SUSD6: variants seen among roughly 807,000 people sequenced by gnomAD.
SUSD6 encodes the protein sushi domain-containing protein 6.
In SUSD6, 16 loss-of-function variants were observed where a neutral mutation model predicts 28.4. That is an observed-to-expected ratio of 0.56 (90% CI 0.38 to 0.86). SUSD6 has a LOEUF of 0.86. Among genes scored for constraint, SUSD6 ranks in the 40% least tolerant of loss-of-function variants. The probability of loss-of-function intolerance (pLI) is 0.00; values close to 1 mark genes in which losing one functional copy is unlikely to be tolerated. For synonymous variants in SUSD6, 147 were observed against 159.6 expected (o/e 0.92, Z 0.59); for missense variants, 341 against 384.2 (o/e 0.89, Z 0.94).
chr14:69,654,510 C>G (rs1224716855), intron 1 of SUSD6, among the ~76,000 whole-genome samples: 1 of 152,152 alleles, frequency 6.6e-6, no homozygotes, highest in African/African-American at 2.4e-5. Context: ...TGCTGAGCCC[C>G]TAAAATGACT....
At chr14:69,657,284 A>G (rs1595044714) in intron 1 of SUSD6, among the ~76,000 whole-genome samples, 1 of 152,090 alleles carries the variant, frequency 6.6e-6, no homozygotes, top group Non-Finnish European at 1.5e-5. Context: ...GTGAAACCCC[A>G]TCTCTACTAA....
intron 2 of SUSD6, among the ~76,000 whole-genome samples, chr14:69,700,999 G>A (rs1030347779): frequency 2.0e-5 from 3 of 152,112 alleles, no homozygotes; most frequent in Admixed American, 6.6e-5. Flanking sequence ...TAGAGAAAGA[G>A]TCCTTAATCC....
intron 4 of SUSD6, among the ~76,000 whole-genome samples, chr14:69,705,867 T>C (rs1886380435): frequency 6.6e-6 from 1 of 152,234 alleles, no homozygotes; most frequent in Non-Finnish European, 1.5e-5. Flanking sequence ...GGATTCCCGA[T>C]GATGGACTTT....
intron 1 of SUSD6, chr14:69,617,588 A>G (rs899784132): frequency 1.4e-4 from 21 of 152,346 alleles, no homozygotes; most frequent in African/African-American, 4.6e-4. Flanking sequence ...TAGTGCCTAA[A>G]TTCAATGCAC....
intron 2 of SUSD6, chr14:69,670,368 G>A: frequency 2.3e-6 from 1 of 440,256 alleles, no homozygotes. Flanking sequence ...ACTGAAAATA[G>A]AACAATTCCA....
chr14:69,698,586 CCTT>C (rs1886260831), intron 2 of SUSD6, among the ~76,000 whole-genome samples: 1 of 152,172 alleles, frequency 6.6e-6, no homozygotes, highest in Non-Finnish European at 1.5e-5. Context: ...TAATTTGCCT[CCTT>C]CTGAAAGGTT....
rs1223146376 is a variant in SUSD6 at position 69,712,399 on chromosome 14, G to C, written c.*1420G>C. ...TGTGTTGAATGCTAACTAGGCTGGG[G>C]TGGACGAACTCTGCCAACTGCTGTC... On this transcript the variant is annotated 3_prime_UTR_variant, in exon 6 of 6. Transcript: ENST00000342745. 1 of 152,296 alleles carries C rather than the reference G, an allele frequency of 6.6e-6. No individual in the cohort carries two copies. Among genetic ancestry groups the C allele is most frequent in the East Asian group, 1.9e-4 (1 of 5,192 alleles). The allele number at this position is 152,296 out of a possible 1,614,324, so 9.4% of individuals were successfully genotyped here.
chr14:69,672,438 G>T (rs558271122), intron 2 of SUSD6, among the ~76,000 whole-genome samples: 1 of 152,164 alleles, frequency 6.6e-6, no homozygotes, highest in Non-Finnish European at 1.5e-5. Flanking sequence ...AATGAAACTT[G>T]ATAGGAGCTG....
rs1007851216 is a variant in SUSD6, at chr14:69,705,678, A to G, written c.458+936A>G. 3.9e-5 allele frequency among the ~76,000 whole-genome samples: 6 copies of G among 152,230 alleles called. No homozygotes were observed. In the East Asian group the frequency reaches 1.2e-3, roughly 29 times the overall value. Reference sequence around the variant, plus strand: ...AACCCTGGCATTCACTTTTTATAAAAAGCTCAGTTTTTCTGTGCAACTAGG... The same window carrying G: ...AACCCTGGCATTCACTTTTTATAAAGAGCTCAGTTTTTCTGTGCAACTAGG... On this transcript the variant is annotated intron_variant, in intron 4 of 5. Coordinates refer to ENST00000342745, the MANE Select transcript of SUSD6 (RefSeq NM_014734.4).
At chr14:69,644,022 G>A (rs935913527) in intron 1 of SUSD6, among the ~76,000 whole-genome samples, 3 of 152,084 alleles carry the variant, frequency 2.0e-5, no homozygotes, top group African/African-American at 7.2e-5. Flanking sequence ...TCTTTGACAC[G>A]TTGGCTGTAT....
chr14:69,659,585 G>T (rs369653438), intron 2 of SUSD6, among the ~76,000 whole-genome samples: 2 of 152,050 alleles, frequency 1.3e-5, no homozygotes, highest in African/African-American at 2.4e-5. Context: ...TGGCACGATC[G>T]TGGCTCACTG....
intron 1 of SUSD6, among the ~76,000 whole-genome samples, chr14:69,639,508 C>T (rs925517740): frequency 6.6e-6 from 1 of 151,990 alleles, no homozygotes; most frequent in East Asian, 1.9e-4. Flanking sequence ...ATCTTAATTC[C>T]CAAGCCCCTC....
rs371617344 is a variant in SUSD6 at position 69,661,418 on chromosome 14, GCTCAGACCA to G, written c.121+2706_121+2714del. Among the ~76,000 whole-genome samples the G allele has an allele frequency of 9.5e-4, 145 of 152,212 alleles. 1 individual carries two copies. Among genetic ancestry groups the G allele is most frequent in the African/African-American group, 3.3e-3 (139 of 41,528 alleles). ...AAAAATGTGTCTGTTTATAGTGTGG[GCTCAGACCA>G]GGATGGGAAAGTTGGCTCTGTTGTT... On this transcript the variant is annotated intron_variant, in intron 2 of 5. Coordinates refer to ENST00000342745, the MANE Select transcript of SUSD6 (RefSeq NM_014734.4).
rs61615648 is a variant in SUSD6 at position 69,638,345 on chromosome 14, A to G, written c.-80-20168A>G. 2.6e-5 allele frequency among the ~76,000 whole-genome samples: 4 copies of G among 151,976 alleles called. No individual in the cohort carries two copies. The East Asian group carries it at 7.7e-4, about 29-fold the overall frequency. ...CTTTCTGGCCTTGTAAGGACCTAAG[A>G]AAGACGCAAAAAGGAAGTAATCTAC... On this transcript the variant is annotated intron_variant, in intron 1 of 5. Transcript: ENST00000342745.
At chr14:69,636,863 CTTTG>C (rs1008193822) in intron 1 of SUSD6, among the ~76,000 whole-genome samples, 7 of 152,190 alleles carry the variant, frequency 4.6e-5, no homozygotes, top group African/African-American at 1.7e-4. Context: ...TATGAGGAAA[CTTTG>C]TTTGGTGAGA....
intron 2 of SUSD6, among the ~76,000 whole-genome samples, chr14:69,661,919 C>T (rs1243610429): frequency 6.6e-6 from 1 of 152,128 alleles, no homozygotes; most frequent in Non-Finnish European, 1.5e-5. Context: ...CCCATCTCAG[C>T]CTCCTGAGTA....
chr14:69,714,542 G>C lies in SUSD6; in HGVS notation c.*3563G>C, dbSNP rs965696492. ...TGGGAGCTTCTCTTGGGCCTGCTGG[G>C]TCTGTCAGCTCTCGGAATAGGGACA... On this transcript the variant is annotated 3_prime_UTR_variant, in exon 6 of 6. Transcript: ENST00000342745. 1.3e-5 allele frequency: 2 copies of C among 152,274 alleles called. No homozygotes were observed. Among genetic ancestry groups the C allele is most frequent in the Non-Finnish European group, 2.9e-5 (2 of 68,070 alleles). The allele number at this position is 152,274 out of a possible 1,614,324, so 9.4% of individuals were successfully genotyped here.
intron 1 of SUSD6, among the ~76,000 whole-genome samples, chr14:69,641,274 T>C (rs1020646696): frequency 6.6e-6 from 1 of 150,784 alleles, no homozygotes; most frequent in African/African-American, 2.5e-5. Flanking sequence ...TTTGATGAGC[T>C]TCTTGTATCT....
chr14:69,637,397 G>C (rs1354070217), intron 1 of SUSD6, among the ~76,000 whole-genome samples: 1 of 152,110 alleles, frequency 6.6e-6, no homozygotes, highest in South Asian at 2.1e-4. Context: ...CTCATTGCTG[G>C]TGCAGCGCCT....
Sources: allele counts gnomAD v4.1 joint callset (sites outside exome capture counted in the v4.1 genomes callset), GRCh38; gene constraint gnomAD v4.1.1; transcripts MANE v1.5; gene names NCBI Gene and HGNC (gene_info 2026-07-23, HGNC 2026-07-21).